SDHA: variants seen among roughly 807,000 people sequenced by gnomAD.
SDHA encodes succinate dehydrogenase [ubiquinone] flavoprotein subunit, mitochondrial.
A neutral mutation model predicts 78.4 loss-of-function variants in SDHA; 48 were observed. That is an observed-to-expected ratio of 0.61 (90% CI 0.49 to 0.78). The LOEUF is 0.78. Ranked by LOEUF, SDHA falls within the 30% of genes least tolerant of loss-of-function variation. The probability of loss-of-function intolerance (pLI) is 0.00; values close to 1 mark genes in which losing one functional copy is unlikely to be tolerated. For synonymous variants in SDHA, 326 were observed against 353.9 expected (o/e 0.92, Z 0.88); for missense variants, 680 against 892.7 (o/e 0.76, Z 3.04).
downstream of SDHA, among the ~76,000 whole-genome samples, chr5:258,053 C>A (rs1467573837): frequency 1.5e-3 from 16 of 10,558 alleles, 1 homozygote; most frequent in Non-Finnish European, 1.8e-3. Context: ...CCACCCCCTG[C>A]CAGAGCATTA....
At chr5:233,674 T>A (rs760805520) in intron 8 of SDHA, 29 bp downstream of exon 8, 14 of 1,612,786 alleles carry the variant, frequency 8.7e-6, no homozygotes, top group Non-Finnish European at 1.1e-5. Context: ...CAGCACTGTC[T>A]GAGCGGGCAC....
chr5:251,661 C>A (rs1372555206), intron 13 of SDHA, 193 bp downstream of exon 13: 2 of 1,519,452 alleles, frequency 1.3e-6, no homozygotes, highest in South Asian at 1.2e-5. Flanking sequence ...CTTTTCCTTG[C>A]TTTGGGTCGG....
chr5:218,993 A>G (rs1416334294), intron 1 of SDHA, among the ~76,000 whole-genome samples: 1 of 152,106 alleles, frequency 6.6e-6, no homozygotes, highest in Non-Finnish European at 1.5e-5. Context: ...TTAGGCTTGC[A>G]GTTCGCCTTT....
intron 1 of SDHA, among the ~76,000 whole-genome samples, chr5:218,946 C>T (rs560849904): frequency 4.6e-5 from 7 of 151,866 alleles, no homozygotes; most frequent in African/African-American, 1.7e-4. Context: ...GGGCTCGGCC[C>T]GGTGGGCGTC....
the SDHA span, among the ~76,000 whole-genome samples, chr5:264,991 T>G: frequency 6.6e-6 from 1 of 152,200 alleles, no homozygotes; most frequent in African/African-American, 2.4e-5. Context: ...ACAGATCACC[T>G]GAGGCCAGGA....
At chr5:266,368 GA>G in the SDHA span, among the ~76,000 whole-genome samples, 1 of 152,184 alleles carries the variant, frequency 6.6e-6, no homozygotes, top group African/African-American at 2.4e-5. Flanking sequence ...TAGTTTCCAA[GA>G]AATAACTGAC....
intron 11 of SDHA, among the ~76,000 whole-genome samples, chr5:241,446 TG>T (rs1191103669): frequency 6.6e-6 from 1 of 151,530 alleles, no homozygotes; most frequent in African/African-American, 2.4e-5. Context: ...AGAGGGAGAG[TG>T]GGCGGCAGGT....
chr5:234,418 CAAAAAAAAAAAA>C (rs70955218), intron 8 of SDHA: 4 of 43,820 alleles, frequency 9.1e-5, no homozygotes, highest in African/African-American at 5.3e-4. Context: ...CACTCTGTCT[CAAAAAAAAAAAA>C]AAAAAAAAAA....
At chr5:225,338 C>T (rs1734944704) in intron 3 of SDHA, 81 bp from the exon 4 acceptor site, 7 of 1,589,028 alleles carry the variant, frequency 4.4e-6, no homozygotes, top group Non-Finnish European at 6.0e-6. Context: ...TCTCTGAATC[C>T]CCCCAGCGGG....
intron 3 of SDHA, chr5:224,854 T>A: frequency 2.6e-6 from 1 of 385,228 alleles, no homozygotes; most frequent in South Asian, 2.3e-5. Flanking sequence ...AGAATTTAGG[T>A]TGGGGAAGAA....
intron 13 of SDHA, among the ~76,000 whole-genome samples, chr5:253,541 T>C (rs1424345826): frequency 6.6e-6 from 1 of 152,030 alleles, no homozygotes; most frequent in Non-Finnish European, 1.5e-5. Flanking sequence ...CGGGTTCAAG[T>C]GATTCTCCTG....
chr5:249,496 GT>G (rs1400746147), intron 11 of SDHA: 1 of 154,734 alleles, frequency 6.5e-6, no homozygotes, highest in Non-Finnish European at 1.4e-5. Context: ...GTGGAAAACC[GT>G]TTAAGGCATT....
intron 11 of SDHA, among the ~76,000 whole-genome samples, chr5:241,412 G>C (rs572763853): frequency 6.6e-6 from 1 of 152,304 alleles, no homozygotes; most frequent in Non-Finnish European, 1.5e-5. Flanking sequence ...TGGACTTGTT[G>C]CTGCCTCTAA....
intron 11 of SDHA, among the ~76,000 whole-genome samples, chr5:241,206 T>C (rs1210576536): frequency 3.9e-5 from 6 of 152,158 alleles, no homozygotes; most frequent in Non-Finnish European, 8.8e-5. Flanking sequence ...ACCTGACCAT[T>C]GCTGGCTGTC....
At chr5:233,684 C>A (rs753858045) in intron 8 of SDHA, 39 bp downstream of exon 8, 5 of 1,609,654 alleles carry the variant, frequency 3.1e-6, no homozygotes, top group Non-Finnish European at 4.3e-6. Flanking sequence ...TGAGCGGGCA[C>A]ACGGGCCGGG....
intron 13 of SDHA, among the ~76,000 whole-genome samples, chr5:253,534 G>A (rs998333152): frequency 6.6e-6 from 1 of 152,082 alleles, no homozygotes; most frequent in Non-Finnish European, 1.5e-5. Flanking sequence ...TGCCTCCCGG[G>A]TTCAAGTGAT....
At chr5:253,698 G>A (rs9687155) in intron 13 of SDHA, among the ~76,000 whole-genome samples, 36,597 of 152,048 alleles carry the variant, frequency 0.24, 6,878 homozygotes, top group African/African-American at 0.53. Context: ...GCCTCCCAAA[G>A]TGCTAGGGTT....
rs1553996340 is a variant in SDHA at position 218,353 on chromosome 5, G to T, written c.-3G>T. 6 of 1,459,008 alleles carry T rather than the reference G, an allele frequency of 4.1e-6. No homozygotes were observed. The highest frequency in any genetic ancestry group is 4.5e-6 in the Non-Finnish European group (5 of 1,114,724). 90.4% of individuals were successfully genotyped at this position (1,459,008 alleles called of 1,614,324 possible). A position where few individuals can be genotyped will look rare whatever the true frequency, so the allele number is the denominator to read the frequency against. Reference sequence around the variant, plus strand: ...GCGGGACTGCGCGGCGGCAACAGCAGACATGTCGGGGGTCCGGGGCCTGTC... The same window carrying T: ...GCGGGACTGCGCGGCGGCAACAGCATACATGTCGGGGGTCCGGGGCCTGTC... On this transcript the variant is annotated 5_prime_UTR_variant, in exon 1 of 15. Transcript: ENST00000264932.
intron 11 of SDHA, among the ~76,000 whole-genome samples, chr5:242,013 AT>A (rs1736171635): frequency 6.6e-6 from 1 of 152,260 alleles, no homozygotes; most frequent in Non-Finnish European, 1.5e-5. Flanking sequence ...TACTAGAAGC[AT>A]TCCCACCAAA....
Sources: gnomAD v4.1 joint callset for allele counts (sites outside exome capture counted in the v4.1 genomes callset) on GRCh38, gnomAD v4.1.1 for gene constraint, MANE v1.5 for transcripts, NCBI Gene and HGNC (gene_info 2026-07-23, HGNC 2026-07-21) for gene names.